ZNF556: variants seen among roughly 807,000 people sequenced by gnomAD.
The protein encoded by ZNF556 is zinc finger protein 556.
A neutral mutation model predicts 13.6 loss-of-function variants in ZNF556; 11 were observed. That is an observed-to-expected ratio of 0.81 (90% confidence interval 0.51 to 1.33). ZNF556 has a LOEUF of 1.33. Among genes scored for constraint, ZNF556 ranks in the 40% most tolerant of loss-of-function variants. The pLI is 0.00. For synonymous variants in ZNF556, 229 were observed against 207.8 expected, an observed-to-expected ratio of 1.10 and a Z score of -0.88; for missense variants, 633 against 566.2, an observed-to-expected ratio of 1.12 and a Z score of -1.20.
Position 2,876,209 on chromosome 19 carries a change from C to G in ZNF556, c.247C>G (p.Leu83Val). 1 of 1,608,872 alleles carries G rather than the reference C, an allele frequency of 6.2e-7. No homozygotes were observed. Among genetic ancestry groups the G allele is most frequent in the Non-Finnish European group, 8.5e-7 (1 of 1,178,568 alleles). ...KFTRKNIWASLLGKNWEEHSV... is the reference protein window; with the variant it reads ...KFTRKNIWASVLGKNWEEHSV... ...CACAAGAAAGAATATATGGGCCTCC[C>G]TTTTAGGAAAAAATTGGGAAGAACA... The change falls in exon 3 of 4, where the codon CTT becomes GTT. Residue 83 changes from leucine to valine, a missense_variant. Coordinates refer to ENST00000307635, the MANE Select transcript of ZNF556 (RefSeq NM_024967.3).
At chr19:2,873,645 A>T in intron 2 of ZNF556, 23 bp downstream of exon 2, 1 of 1,605,736 alleles carries the variant, frequency 6.2e-7, no homozygotes, top group South Asian at 1.1e-5. Context: ...TTATTTCTGC[A>T]CTTAGTTATT....
chr19:2,882,531 A>ATATATATATAGTGTGTGT lies in ZNF556; in HGVS notation c.*4202_*4203insTATATATATAGTGTGTGT, dbSNP rs57053138. 5 of 127,722 alleles carry ATATATATATAGTGTGTGT rather than the reference A, an allele frequency of 3.9e-5. No homozygotes were observed. The highest frequency in any genetic ancestry group is 1.5e-4 in the African/African-American group (5 of 32,940). 7.9% of individuals were successfully genotyped at this position (127,722 alleles called of 1,614,324 possible). ...ATACATTTTATATATATATATATAT[A>ATATATATATAGTGTGTGT]GTGTGTGTGTGTGTGTGTGTGTGTG... On this transcript the variant is annotated 3_prime_UTR_variant, in exon 4 of 4. Coordinates refer to ENST00000307635, the MANE Select transcript of ZNF556 (RefSeq NM_024967.3).
intron 1 of ZNF556, among the ~76,000 whole-genome samples, chr19:2,868,200 G>T (rs1027024707): frequency 2.6e-5 from 4 of 151,816 alleles, no homozygotes; most frequent in Non-Finnish European, 4.4e-5. Context: ...GGATTCCAGG[G>T]CTTAGCCCTT....
chr19:2,871,135 GC>G (rs1231649244), intron 1 of ZNF556, among the ~76,000 whole-genome samples: 1 of 151,590 alleles, frequency 6.6e-6, no homozygotes, highest in Admixed American at 6.6e-5. Flanking sequence ...CTGCACTCCA[GC>G]CTGGGCGACA....
At chr19:2,871,465 C>A (rs777490078) in intron 1 of ZNF556, among the ~76,000 whole-genome samples, 5 of 152,246 alleles carry the variant, frequency 3.3e-5, no homozygotes, top group Middle Eastern at 3.4e-3. Context: ...TGAATAAATT[C>A]TCTACATCCA....
Position 2,877,476 on chromosome 19 carries a change from A to G in ZNF556, c.518A>G (p.Lys173Arg), listed in dbSNP as rs746149746. 5.0e-6 allele frequency: 8 copies of G among 1,614,006 alleles called. No homozygotes were observed. The South Asian group carries it at 6.6e-5, about 13-fold the overall frequency. ...IRHKRAHSGQ[K>R]LYKCKECGKA... The stretch of plus-strand genomic sequence containing the variant: ...CACAAAAGAGCTCACTCTGGACAAA[A>G]ATTATATAAATGTAAGGAATGTGGG... The change falls in exon 4 of 4, where the codon AAA becomes AGA. Residue 173 changes from lysine (K) to arginine (R), a missense_variant. By Grantham distance (26) the Lys-to-Arg change is conservative. Transcript: ENST00000307635.
chr19:2,876,315 C>G (rs1296568424), intron 3 of ZNF556, 39 bp downstream of exon 3: 1 of 1,531,408 alleles, frequency 6.5e-7, no homozygotes, highest in African/African-American at 1.4e-5. Context: ...TATCGCCAGG[C>G]ACGGTGGCTC....
At chr19:2,875,532 G>T in intron 2 of ZNF556, 1 of 166,488 alleles carries the variant, frequency 6.0e-6, no homozygotes, top group South Asian at 1.5e-4. Flanking sequence ...TGCTCCCTTT[G>T]GTTCTGGAGA....
In ZNF556 at chr19:2,880,113, C is replaced by T. The variant is rs2087893820; in HGVS notation, c.*1784C>T. On this transcript the variant is annotated 3_prime_UTR_variant, in exon 4 of 4. Coordinates refer to ENST00000307635, the MANE Select transcript of ZNF556 (RefSeq NM_024967.3). ...GCATCTACTGTGACCTAGTATTCTT[C>T]GTGAGATAAATCTTACCTTTCATGA... 6.6e-6 allele frequency: 1 copy of T among 152,166 alleles called. No individual in the cohort carries two copies. The highest frequency in any genetic ancestry group is 6.6e-5 in the Admixed American group (1 of 15,264). The allele number at this position is 152,166 out of a possible 1,614,324, so 9.4% of individuals were successfully genotyped here.
intron 2 of ZNF556, 105 bp from the exon 3 acceptor site, chr19:2,875,988 A>G: frequency 1.0e-6 from 1 of 999,504 alleles, no homozygotes; most frequent in African/African-American, 1.7e-5. Flanking sequence ...AAATAGATAA[A>G]TAAAATAAAA....
rs2087900354 is a variant in ZNF556 at position 2,880,975 on chromosome 19, C to G, written c.*2646C>G. 6.7e-6 allele frequency: 1 copy of G among 149,622 alleles called. No individual in the cohort carries two copies. The highest frequency in any genetic ancestry group is 6.7e-5 in the Admixed American group (1 of 14,866). The allele number at this position is 149,622 out of a possible 1,614,324, so 9.3% of individuals were successfully genotyped here. A position where few individuals can be genotyped will look rare whatever the true frequency, so the allele number is the denominator to read the frequency against. On this transcript the variant is annotated 3_prime_UTR_variant, in exon 4 of 4. Coordinates refer to ENST00000307635, the MANE Select transcript of ZNF556 (RefSeq NM_024967.3). ...CCCCCCCGCCAAGGTTCAAGTGATT[C>G]TCCTACCTCAGCCTCCTGAAGAGCT...
intron 1 of ZNF556, among the ~76,000 whole-genome samples, chr19:2,870,216 G>C (rs2087790649): frequency 1.3e-5 from 2 of 152,102 alleles, no homozygotes; most frequent in African/African-American, 4.8e-5. Flanking sequence ...GGAGGCCGAG[G>C]CAGGTGGATC....
In ZNF556 at chr19:2,882,508, A is replaced by G. The variant is rs2087911344; in HGVS notation, c.*4179A>G. ...TTAAAAATTTTAGGGCATGATGTAT[A>G]CATTTTATATATATATATATATAGT... is the stretch of plus-strand genomic sequence containing the variant. On this transcript the variant is annotated 3_prime_UTR_variant, in exon 4 of 4. Coordinates refer to ENST00000307635, the MANE Select transcript of ZNF556 (RefSeq NM_024967.3). The G allele has an allele frequency of 2.1e-5, 3 of 143,966 alleles. No individual in the cohort carries two copies. The highest frequency in any genetic ancestry group is 8.2e-5 in the African/African-American group (3 of 36,568). 8.9% of individuals were successfully genotyped at this position (143,966 alleles called of 1,614,324 possible).
At chr19:2,877,077 G>C (rs562399203) in intron 3 of ZNF556, among the ~76,000 whole-genome samples, 196 bp from the exon 4 acceptor site, 1 of 152,046 alleles carries the variant, frequency 6.6e-6, no homozygotes, top group Admixed American at 6.6e-5. Flanking sequence ...GCTGGGCGTG[G>C]TGCCATGTGA....
chr19:2,877,185 G>A, intron 3 of ZNF556, 88 bp from the exon 4 acceptor site: 1 of 1,138,960 alleles, frequency 8.8e-7, no homozygotes, highest in Non-Finnish European at 1.2e-6. Flanking sequence ...ACTCCAGCCT[G>A]GGGAACAAGA....
At chr19:2,870,630 C>T (rs1474628285) in intron 1 of ZNF556, among the ~76,000 whole-genome samples, 3 of 152,048 alleles carry the variant, frequency 2.0e-5, no homozygotes, top group African/African-American at 7.2e-5. Flanking sequence ...GCCTGTAATC[C>T]CAGCTACTCG....
chr19:2,872,371 C>CT (rs1336668358), intron 1 of ZNF556, among the ~76,000 whole-genome samples: 1 of 151,726 alleles, frequency 6.6e-6, no homozygotes, highest in Non-Finnish European at 1.5e-5. Context: ...CCAAGGAGCC[C>CT]TCTGGTGGCC....
intron 1 of ZNF556, among the ~76,000 whole-genome samples, chr19:2,871,695 G>A (rs926034899): frequency 1.3e-5 from 2 of 152,162 alleles, no homozygotes; most frequent in African/African-American, 2.4e-5. Context: ...CAGCCCCACA[G>A]GGTCGGTGGG....
chr19:2,869,794 A>G (rs1299361242), intron 1 of ZNF556, among the ~76,000 whole-genome samples: 1 of 151,980 alleles, frequency 6.6e-6, no homozygotes, highest in Non-Finnish European at 1.5e-5. Flanking sequence ...GTCCCCTATG[A>G]TCTAGTCTCA....
Sources: gnomAD v4.1 joint callset for allele counts (sites outside exome capture counted in the v4.1 genomes callset) on GRCh38, gnomAD v4.1.1 for gene constraint, MANE v1.5 for transcripts, NCBI Gene and HGNC (gene_info 2026-07-23, HGNC 2026-07-21) for gene names.